UST: variants seen among roughly 807,000 people sequenced by gnomAD.
The protein encoded by UST is uronyl 2-sulfotransferase.
UST carries 21 observed loss-of-function variants against 45.6 expected under a neutral mutation model. That is an observed-to-expected ratio of 0.46 (90% CI 0.33 to 0.66). The LOEUF (loss-of-function observed/expected upper bound fraction) is 0.66. Among genes scored for constraint, UST ranks in the 30% least tolerant of loss-of-function variants. UST has a pLI of 0.02. For synonymous variants in UST, 215 were observed against 200.6 expected (o/e 1.07, Z -0.61); for missense variants, 463 against 512.4 (o/e 0.90, Z 0.93).
At chr6:149,049,067 C>T (rs1776437159) in intron 7 of UST, among the ~76,000 whole-genome samples, 1 of 151,968 alleles carries the variant, frequency 6.6e-6, no homozygotes, top group African/African-American at 2.4e-5. Flanking sequence ...GCTGTCAAAA[C>T]TCATCAAATT....
At chr6:148,980,130 C>T (rs1259947398) in intron 5 of UST, among the ~76,000 whole-genome samples, 1 of 152,132 alleles carries the variant, frequency 6.6e-6, no homozygotes, top group Non-Finnish European at 1.5e-5. Context: ...CGGTCAGTTT[C>T]GTACATCTTG....
chr6:148,863,572 A>G (rs1013780908), intron 1 of UST, among the ~76,000 whole-genome samples: 7 of 152,186 alleles, frequency 4.6e-5, no homozygotes, highest in South Asian at 2.1e-4. Flanking sequence ...TCTGGAGGAG[A>G]AGAGGCACTC....
At chr6:149,028,567 C>T (rs751698764) in intron 7 of UST, among the ~76,000 whole-genome samples, 5 of 152,184 alleles carry the variant, frequency 3.3e-5, no homozygotes, top group Non-Finnish European at 7.3e-5. Flanking sequence ...AATCTCATGC[C>T]TTTAAGAAAC....
chr6:149,014,584 C>G (rs1775866279), intron 5 of UST, among the ~76,000 whole-genome samples: 1 of 152,172 alleles, frequency 6.6e-6, no homozygotes, highest in Non-Finnish European at 1.5e-5. Flanking sequence ...GCCCATGGTC[C>G]TATCTGTCTC....
chr6:149,048,870 T>C (rs1412497531), intron 7 of UST, among the ~76,000 whole-genome samples: 1 of 151,958 alleles, frequency 6.6e-6, no homozygotes, highest in Non-Finnish European at 1.5e-5. Flanking sequence ...AGTCGTGGAG[T>C]CCCCGATGAT....
chr6:148,831,168 T>C (rs952671747), intron 1 of UST, among the ~76,000 whole-genome samples: 2 of 152,316 alleles, frequency 1.3e-5, no homozygotes, highest in East Asian at 3.9e-4. Context: ...GCCCTTTGCT[T>C]TCGTCTTTCT....
chr6:149,038,152 G>A (rs549069985), intron 7 of UST, among the ~76,000 whole-genome samples: 1 of 151,954 alleles, frequency 6.6e-6, no homozygotes, highest in Non-Finnish European at 1.5e-5. Context: ...AAGTACCTTA[G>A]ACTTACATTG....
At chr6:148,869,383 G>GC (rs145972460) in intron 1 of UST, among the ~76,000 whole-genome samples, 6,704 of 152,268 alleles carry the variant, frequency 0.044, 157 homozygotes, top group Middle Eastern at 0.11. Flanking sequence ...ATTTATTAAA[G>GC]CTTACTCCCT....
In UST at chr6:149,021,456, C is replaced by T. The variant is rs201497317; in HGVS notation, c.912C>T (p.Gly304=). 1.7e-5 allele frequency: 28 copies of T among 1,613,982 alleles called. No homozygotes were observed. Among genetic ancestry groups the T allele is most frequent in the Admixed American group, 3.3e-5 (2 of 59,994 alleles). ...LERFLPHYFK[G]VLSIYKDPEH... is the part of the protein sequence containing the mutation. ...GATTTTTACCTCATTACTTCAAGGG[C>T]GTGCTCAGTATCTACAAAGACCCAG... Residue 304 remains glycine (G), a synonymous_variant, in exon 7 of 8, where the codon GGC becomes GGT. Transcript: ENST00000367463.
chr6:148,817,473 T>C (rs1365976408), intron 1 of UST, among the ~76,000 whole-genome samples: 2 of 152,182 alleles, frequency 1.3e-5, no homozygotes, highest in South Asian at 2.1e-4. Context: ...CTTGGTTTTA[T>C]ACATTTAGGG....
chr6:148,806,085 T>TA (rs1777139922), intron 1 of UST, among the ~76,000 whole-genome samples: 2 of 151,956 alleles, frequency 1.3e-5, no homozygotes, highest in African/African-American at 2.4e-5. Context: ...GGACGCTTTT[T>TA]TTTTTCTTTT....
intron 1 of UST, among the ~76,000 whole-genome samples, chr6:148,759,022 G>A (rs894571460): frequency 1.3e-5 from 2 of 152,150 alleles, no homozygotes; most frequent in African/African-American, 2.4e-5. Flanking sequence ...AGGGTGACCC[G>A]ACAATAAGTC....
chr6:148,747,785 C>T (rs1775901898), intron 1 of UST, 108 bp downstream of exon 1: 7 of 1,370,814 alleles, frequency 5.1e-6, no homozygotes, highest in Non-Finnish European at 5.7e-6. Context: ...GCCGCCGCCG[C>T]CCCGGGTCTC....
chr6:149,069,563 A>T (rs912400460), intron 7 of UST, among the ~76,000 whole-genome samples: 10 of 152,146 alleles, frequency 6.6e-5, no homozygotes, highest in Admixed American at 6.5e-4. Context: ...ATTCGGAAGG[A>T]TATAATGTCA....
At position 148,933,533 on chromosome 6, in the gene UST, C is replaced by T. The variant is rs542654777; in HGVS notation, c.292-7746C>T. Among the ~76,000 whole-genome samples, 51 of 152,048 alleles carry T rather than the reference C, an allele frequency of 3.4e-4. 2 individuals are homozygous for T. Among genetic ancestry groups the T allele is most frequent in the African/African-American group, 9.7e-5 (4 of 41,388 alleles). ...AGATGGGCTTGAATAATGAGAAGCA[C>T]GCAGGATGTCATTTGAGAGTTGTGG... On this transcript the variant is annotated intron_variant, in intron 2 of 7. Coordinates refer to ENST00000367463, the MANE Select transcript of UST (RefSeq NM_005715.3).
At chr6:148,953,089 G>A (rs1227466322) in intron 3 of UST, among the ~76,000 whole-genome samples, 1 of 152,056 alleles carries the variant, frequency 6.6e-6, no homozygotes, top group Non-Finnish European at 1.5e-5. Flanking sequence ...GTTTCCTACA[G>A]AATATTTTCC....
chr6:148,938,704 C>A (rs1167512582), intron 2 of UST, among the ~76,000 whole-genome samples: 3 of 151,756 alleles, frequency 2.0e-5, no homozygotes, highest in Non-Finnish European at 4.4e-5. Context: ...GGAGAAATAT[C>A]TTTATTGCAG....
chr6:148,992,047 C>A (rs1378569096), intron 5 of UST, among the ~76,000 whole-genome samples: 10 of 152,132 alleles, frequency 6.6e-5, no homozygotes, highest in African/African-American at 2.4e-4. Context: ...AATACCATGA[C>A]CTGTGGAACA....
At chr6:148,986,801 G>A (rs141922375) in intron 5 of UST, among the ~76,000 whole-genome samples, 4 of 152,316 alleles carry the variant, frequency 2.6e-5, no homozygotes, top group East Asian at 1.9e-4. Context: ...CTGAATTGCC[G>A]TCATCATCAT....
Sources: gnomAD v4.1 joint callset for allele counts (sites outside exome capture counted in the v4.1 genomes callset) on GRCh38, gnomAD v4.1.1 for gene constraint, MANE v1.5 for transcripts, NCBI Gene and HGNC (gene_info 2026-07-23, HGNC 2026-07-21) for gene names.